The following DLGAP2 variants were observed in gnomAD, a reference collection of about 807,000 sequenced individuals.
DLGAP2 encodes the protein disks large-associated protein 2.
A neutral mutation model predicts 100.3 loss-of-function variants in DLGAP2; 26 were observed. That is an observed-to-expected ratio of 0.26 (90% CI 0.19 to 0.36). The LOEUF is 0.36. Among genes scored for constraint, DLGAP2 ranks in the 10% least tolerant of loss-of-function variants. DLGAP2 has a pLI of 1.00. For missense variants in DLGAP2, 1,858 were observed against 1,453.2 expected, an observed-to-expected ratio of 1.28 and a Z score of -4.53; for synonymous variants, 886 against 630.1, an observed-to-expected ratio of 1.41 and a Z score of -6.08.
intron 5 of DLGAP2, among the ~76,000 whole-genome samples, chr8:1,554,870 A>T (rs924707361): frequency 7.9e-5 from 12 of 152,070 alleles, no homozygotes; most frequent in Non-Finnish European, 1.6e-4. Flanking sequence ...GAAAACCAAT[A>T]GTTCTAACAA....
At chr8:1,241,171 GTGGCGCCGTGTCTCGTTCTCTC>G (rs1798785679) in intron 2 of DLGAP2, among the ~76,000 whole-genome samples, 2 of 134,570 alleles carry the variant, frequency 1.5e-5, no homozygotes. Flanking sequence ...GTTCTCTCAC[GTGGCGCCGTGTCTCGTTCTCTC>G]ACATGGAGCC....
intron 2 of DLGAP2, among the ~76,000 whole-genome samples, chr8:1,099,133 G>T (rs899550678): frequency 3.2e-4 from 49 of 152,112 alleles, no homozygotes; most frequent in African/African-American, 1.1e-3. Context: ...CAGCCTCGCC[G>T]GTGTTCCTGG....
At chr8:1,563,633 T>A (rs1563223176) in intron 5 of DLGAP2, among the ~76,000 whole-genome samples, 1 of 152,060 alleles carries the variant, frequency 6.6e-6, no homozygotes, top group Admixed American at 6.5e-5. Context: ...CTCCTGCTCG[T>A]CCAGGCTGGA....
chr8:1,495,631 G>C (rs965933400), intron 3 of DLGAP2, among the ~76,000 whole-genome samples: 3 of 152,186 alleles, frequency 2.0e-5, no homozygotes, highest in Admixed American at 6.5e-5. Flanking sequence ...GCCTCTTCCT[G>C]GAGGACCCTG....
At chr8:759,196 T>C (rs1475240814) in intron 1 of DLGAP2, among the ~76,000 whole-genome samples, 3 of 90,454 alleles carry the variant, frequency 3.3e-5, no homozygotes, top group African/African-American at 1.2e-4. Flanking sequence ...CCGACAGCCT[T>C]CCCATTATCA....
intron 2 of DLGAP2, among the ~76,000 whole-genome samples, chr8:1,249,633 A>G (rs1463150083): frequency 6.6e-6 from 1 of 152,192 alleles, no homozygotes; most frequent in Admixed American, 6.5e-5. Context: ...GAACTGAATG[A>G]AAGACATAAA....
rs537753740 is a variant in DLGAP2 at position 1,545,668 on chromosome 8, G to A, written c.173-2958G>A. ...CTAGTGTTGCCATTGTTTACAGCACGCTGCCATTGTCATTATTGTGATAAT... is the reference window on the plus strand; with the variant it reads ...CTAGTGTTGCCATTGTTTACAGCACACTGCCATTGTCATTATTGTGATAAT... On this transcript the variant is annotated intron_variant, in intron 4 of 14. Transcript: ENST00000637795. 5.9e-5 allele frequency among the ~76,000 whole-genome samples: 9 copies of A among 152,294 alleles called. No individual in the cohort carries two copies. In the East Asian group the frequency reaches 1.2e-3, roughly 20 times the overall value.
intron 1 of DLGAP2, among the ~76,000 whole-genome samples, chr8:823,395 C>T (rs187990868): frequency 4.6e-4 from 70 of 152,186 alleles, no homozygotes; most frequent in African/African-American, 1.6e-3. Context: ...CTTGTCAACT[C>T]TCCATTGAAA....
chr8:945,329 A>G lies in DLGAP2; in HGVS notation c.73+37363A>G, dbSNP rs879905332. 3.9e-5 allele frequency among the ~76,000 whole-genome samples: 6 copies of G among 152,122 alleles called. No homozygotes were observed. In the East Asian group the frequency reaches 7.7e-4, roughly 20 times the overall value. On this transcript the variant is annotated intron_variant, in intron 2 of 14. Transcript: ENST00000637795. ...TCTCCTTGGCCTGTCACCAGAAACA[A>G]TTCTCAGAATCAGGTCATTGGCCTA...
chr8:1,161,941 C>T (rs1190063924), intron 2 of DLGAP2, among the ~76,000 whole-genome samples: 1 of 152,206 alleles, frequency 6.6e-6, no homozygotes, highest in African/African-American at 2.4e-5. Context: ...GATCCGTGTG[C>T]CAAGTCAGGG....
intron 3 of DLGAP2, among the ~76,000 whole-genome samples, chr8:1,366,009 C>G (rs1802100091): frequency 6.6e-6 from 1 of 152,250 alleles, no homozygotes; most frequent in Non-Finnish European, 1.5e-5. Flanking sequence ...CGGCACCGTC[C>G]AGCCTGGCTT....
At position 1,573,728 on chromosome 8, in the gene DLGAP2, T is replaced by A. The variant is rs144920518; in HGVS notation, c.1442+7834T>A. 8.5e-5 allele frequency among the ~76,000 whole-genome samples: 13 copies of A among 152,212 alleles called. No individual in the cohort carries two copies. In the East Asian group the frequency reaches 2.5e-3, roughly 29 times the overall value. On this transcript the variant is annotated intron_variant, in intron 6 of 14. Coordinates refer to ENST00000637795, the MANE Select transcript of DLGAP2 (RefSeq NM_001346810.2). ...GCCTGCCAAGGGCCTTTTTTGTGAA[T>A]AAAGTTTTATTGGAATGTGGCCCGC...
chr8:1,637,382 A>C (rs1394965500), intron 8 of DLGAP2, among the ~76,000 whole-genome samples: 1 of 152,092 alleles, frequency 6.6e-6, no homozygotes, highest in Admixed American at 6.5e-5. Flanking sequence ...TCACTCTGAC[A>C]CAAGGGCTTT....
chr8:1,623,748 G>C (rs1258781467), intron 6 of DLGAP2, among the ~76,000 whole-genome samples: 1 of 152,254 alleles, frequency 6.6e-6, no homozygotes, highest in Admixed American at 6.5e-5. Context: ...AGGAAGGTTG[G>C]GAAGAGGCCT....
intron 2 of DLGAP2, among the ~76,000 whole-genome samples, chr8:1,090,336 G>T (rs1021504158): frequency 3.8e-5 from 5 of 132,818 alleles, no homozygotes; most frequent in Non-Finnish European, 8.7e-5. Context: ...CTCCATGTCT[G>T]CCCTCTGGGG....
At chr8:754,171 C>T (rs372626711) in intron 1 of DLGAP2, 1 of 152,276 alleles carries the variant, frequency 6.6e-6, no homozygotes, top group Non-Finnish European at 1.5e-5. Context: ...AGCAGGCGTC[C>T]CAGCCACACC....
At chr8:1,184,809 C>T (rs1379274358) in intron 2 of DLGAP2, among the ~76,000 whole-genome samples, 1 of 152,180 alleles carries the variant, frequency 6.6e-6, no homozygotes, top group Non-Finnish European at 1.5e-5. Flanking sequence ...CAGGCCTGGG[C>T]TAAGTGCTCT....
chr8:1,361,666 C>T (rs1482501169), intron 3 of DLGAP2, among the ~76,000 whole-genome samples: 1 of 152,212 alleles, frequency 6.6e-6, no homozygotes, highest in Non-Finnish European at 1.5e-5. Flanking sequence ...TATTAGCTTT[C>T]TCCATTTACT....
chr8:862,369 C>G (rs1184321071), intron 1 of DLGAP2, among the ~76,000 whole-genome samples: 2 of 149,318 alleles, frequency 1.3e-5, no homozygotes, highest in African/African-American at 4.9e-5. Context: ...GTGGCATAAT[C>G]TCAGCTCACT....
Sources: gnomAD v4.1 joint callset for allele counts (sites outside exome capture counted in the v4.1 genomes callset) on GRCh38, gnomAD v4.1.1 for gene constraint, MANE v1.5 for transcripts, NCBI Gene and HGNC (gene_info 2026-07-23, HGNC 2026-07-21) for gene names.